Variants in DPP10 observed in about 807,000 individuals in gnomAD.
DPP10 encodes inactive dipeptidyl peptidase 10.
A neutral mutation model predicts 120.9 loss-of-function variants in DPP10; 33 were observed. That is an observed-to-expected ratio of 0.27 (90% CI 0.21 to 0.37). The LOEUF (loss-of-function observed/expected upper bound fraction) is 0.37. Ranked by LOEUF, DPP10 falls within the 10% of genes least tolerant of loss-of-function variation. The pLI, the probability that DPP10 is intolerant of heterozygous loss-of-function variation, is 1.00. For missense variants in DPP10, 816 were observed against 942.8 expected (o/e 0.87, Z 1.76); for synonymous variants, 337 against 326.1 (o/e 1.03, Z -0.36).
chr2:115,531,063 C>T (rs1459570758), intron 5 of DPP10, among the ~76,000 whole-genome samples: 3 of 151,948 alleles, frequency 2.0e-5, no homozygotes, highest in Non-Finnish European at 4.4e-5. Flanking sequence ...ATCTTTTATT[C>T]TTAACACACA....
At chr2:114,743,940 A>AT (rs1312194490) in intron 1 of DPP10, among the ~76,000 whole-genome samples, 3 of 152,160 alleles carry the variant, frequency 2.0e-5, no homozygotes, top group Non-Finnish European at 2.9e-5. Context: ...AAGCAACTTT[A>AT]TTACAAGATC....
chr2:115,171,960 C>T lies in DPP10; in HGVS notation c.61-137279C>T, dbSNP rs192587681. Among the ~76,000 whole-genome samples the T allele has an allele frequency of 2.0e-5, 3 of 152,268 alleles. No homozygotes were observed. In the East Asian group the frequency reaches 5.8e-4, roughly 29 times the overall value. ...AACGTAAACTGTGAAATTCACTACT[C>T]CAGTGAAATGGCAGTGCCACCACTA... On this transcript the variant is annotated intron_variant, in intron 1 of 25. Coordinates refer to ENST00000410059, the MANE Select transcript of DPP10 (RefSeq NM_020868.6).
intron 5 of DPP10, among the ~76,000 whole-genome samples, chr2:115,569,464 G>T (rs1377085688): frequency 6.6e-6 from 1 of 152,100 alleles, no homozygotes; most frequent in South Asian, 2.1e-4. Flanking sequence ...TATTTAATTT[G>T]TTATATCAGA....
intron 1 of DPP10, among the ~76,000 whole-genome samples, chr2:114,729,766 G>A (rs1676709599): frequency 1.3e-5 from 2 of 152,312 alleles, no homozygotes; most frequent in Non-Finnish European, 1.5e-5. Context: ...TGTGGAACAC[G>A]TCCTCAAACA....
chr2:115,509,540 T>C (rs2148828973), intron 4 of DPP10, among the ~76,000 whole-genome samples: 1 of 152,242 alleles, frequency 6.6e-6, no homozygotes, highest in Middle Eastern at 3.4e-3. Context: ...GTGTCACATT[T>C]CTTGATTCAA....
At position 114,836,237 on chromosome 2, in the gene DPP10, T is replaced by C. The variant is rs76960910; in HGVS notation, c.60+393399T>C. Among the ~76,000 whole-genome samples the C allele has an allele frequency of 3.1e-3, 467 of 152,270 alleles. 4 individuals carry two copies. The highest frequency in any genetic ancestry group is 0.011 in the African/African-American group (444 of 41,530). ...TGTGTGCTGCTCCATTTGTGACCCATGTGTATTCTGTTTTAGTTATTTATC... is the reference window on the plus strand; with the variant it reads ...TGTGTGCTGCTCCATTTGTGACCCACGTGTATTCTGTTTTAGTTATTTATC... On this transcript the variant is annotated intron_variant, in intron 1 of 25. Coordinates refer to ENST00000410059, the MANE Select transcript of DPP10 (RefSeq NM_020868.6).
chr2:115,328,495 T>C (rs1042062017), intron 2 of DPP10, among the ~76,000 whole-genome samples: 2 of 152,064 alleles, frequency 1.3e-5, no homozygotes, highest in East Asian at 3.9e-4. Context: ...GGTACATTTC[T>C]TATTTGATGA....
chr2:114,983,478 A>C (rs986800673), intron 1 of DPP10, among the ~76,000 whole-genome samples: 3 of 152,186 alleles, frequency 2.0e-5, no homozygotes, highest in Non-Finnish European at 2.9e-5. Flanking sequence ...GGACATTTTT[A>C]CTGGTGAATA....
Position 114,975,307 on chromosome 2 carries a change from G to C in DPP10, c.61-333932G>C, listed in dbSNP as rs142430943. Among the ~76,000 whole-genome samples the C allele has an allele frequency of 1.1e-3, 168 of 152,196 alleles. 3 individuals are homozygous for C. In the East Asian group the frequency reaches 0.032, roughly 29 times the overall value. On this transcript the variant is annotated intron_variant, in intron 1 of 25. Coordinates refer to ENST00000410059, the MANE Select transcript of DPP10 (RefSeq NM_020868.6). ...GATCCACTCACCTTGGCCTCCCAAA[G>C]TGCTGGGATTACAGGCGTGAGCCAC...
chr2:114,451,588 A>G, intron 1 of DPP10, among the ~76,000 whole-genome samples: 1 of 152,150 alleles, frequency 6.6e-6, no homozygotes, highest in Non-Finnish European at 1.5e-5. Flanking sequence ...AAGGCAATGC[A>G]ACTGTCATGA....
At chr2:114,694,350 C>A (rs1573983650) in intron 1 of DPP10, among the ~76,000 whole-genome samples, 1 of 151,868 alleles carries the variant, frequency 6.6e-6, no homozygotes, top group South Asian at 2.1e-4. Flanking sequence ...ATATGTCTTA[C>A]AATTTATGTT....
chr2:114,460,169 A>ATATC (rs10686701), intron 1 of DPP10, among the ~76,000 whole-genome samples: 7,369 of 148,442 alleles, frequency 0.05, 214 homozygotes, highest in South Asian at 0.057. Context: ...ATTTGGGATG[A>ATATC]TATCTATCTA....
chr2:115,369,771 C>G (rs926069829), intron 3 of DPP10, among the ~76,000 whole-genome samples: 14 of 152,084 alleles, frequency 9.2e-5, no homozygotes, highest in Non-Finnish European at 7.4e-5. Flanking sequence ...CTTCACAGTA[C>G]AGATGTGGCC....
chr2:114,958,704 G>A (rs1001967401), intron 1 of DPP10, among the ~76,000 whole-genome samples: 2 of 151,824 alleles, frequency 1.3e-5, no homozygotes, highest in African/African-American at 4.8e-5. Flanking sequence ...TATTATTGAT[G>A]GTGTCATACA....
At chr2:114,721,773 C>A (rs1701719213) in intron 1 of DPP10, among the ~76,000 whole-genome samples, 1 of 152,130 alleles carries the variant, frequency 6.6e-6, no homozygotes, top group South Asian at 2.1e-4. Flanking sequence ...GACTAAAGAT[C>A]AAAATATTAC....
intron 2 of DPP10, among the ~76,000 whole-genome samples, chr2:115,311,381 A>G (rs2061569557): frequency 6.6e-6 from 1 of 152,144 alleles, no homozygotes; most frequent in South Asian, 2.1e-4. Context: ...GTACTTATTG[A>G]CCACCAGAAA....
chr2:115,202,381 T>A (rs2055798349), intron 1 of DPP10, among the ~76,000 whole-genome samples: 1 of 152,152 alleles, frequency 6.6e-6, no homozygotes, highest in Admixed American at 6.5e-5. Context: ...AAATCATGGC[T>A]TTATGGAATT....
chr2:115,762,752 A>C (rs1680268582), intron 12 of DPP10, 142 bp downstream of exon 12: 3 of 956,514 alleles, frequency 3.1e-6, no homozygotes, highest in Non-Finnish European at 4.8e-6. Context: ...TAAAAGGATC[A>C]CTTATGACTT....
At chr2:115,151,319 G>A (rs527801623) in intron 1 of DPP10, among the ~76,000 whole-genome samples, 27 of 150,866 alleles carry the variant, frequency 1.8e-4, no homozygotes, top group Non-Finnish European at 2.8e-4. Context: ...ATTTTACTTC[G>A]TGTTGATTGT....
Sources: allele counts gnomAD v4.1 joint callset (sites outside exome capture counted in the v4.1 genomes callset), GRCh38; gene constraint gnomAD v4.1.1; transcripts MANE v1.5; gene names NCBI Gene and HGNC (gene_info 2026-07-23, HGNC 2026-07-21).